RALA: variants seen among roughly 807,000 people sequenced by gnomAD.
RALA encodes the protein RAS like proto-oncogene A.
In RALA, 5 loss-of-function variants were observed where a neutral mutation model predicts 24.0. The ratio of observed to expected loss-of-function variants is 0.21; its 90% confidence interval spans 0.11 to 0.44. The LOEUF is 0.44. Among genes scored for constraint, RALA ranks in the 20% least tolerant of loss-of-function variants. The probability of loss-of-function intolerance (pLI) is 0.99; values close to 1 mark genes in which losing one functional copy is unlikely to be tolerated. For synonymous variants in RALA, 77 were observed against 83.8 expected (o/e 0.92, Z 0.44); for missense variants, 95 against 241.2 (o/e 0.39, Z 4.01).
chr7:39,670,286 C>T (rs972179574), intron 1 of RALA, among the ~76,000 whole-genome samples: 9 of 152,130 alleles, frequency 5.9e-5, no homozygotes, highest in Admixed American at 2.6e-4. Flanking sequence ...GCTAGGACTA[C>T]GGGCGTGTGC....
At chr7:39,681,983 C>G (rs777868739) in intron 1 of RALA, among the ~76,000 whole-genome samples, 1 of 152,178 alleles carries the variant, frequency 6.6e-6, no homozygotes, top group African/African-American at 2.4e-5. Context: ...TTTCTCCCAT[C>G]CAGTCAATCA....
intron 1 of RALA, among the ~76,000 whole-genome samples, chr7:39,636,563 A>G: frequency 6.6e-6 from 1 of 152,220 alleles, no homozygotes; most frequent in East Asian, 1.9e-4. Context: ...TGTAAAAACT[A>G]TAAACATGAC....
At chr7:39,685,756 A>G (rs913000327) in intron 1 of RALA, among the ~76,000 whole-genome samples, 1 of 151,842 alleles carries the variant, frequency 6.6e-6, no homozygotes, top group Non-Finnish European at 1.5e-5. Flanking sequence ...TACAGTGTTG[A>G]ATTCTGTTTA....
chr7:39,666,812 C>G (rs1264097218), intron 1 of RALA, among the ~76,000 whole-genome samples: 1 of 152,172 alleles, frequency 6.6e-6, no homozygotes, highest in African/African-American at 2.4e-5. Context: ...CAAAGGGAAT[C>G]TTTGTTGCTA....
chr7:39,658,565 T>C, intron 1 of RALA, among the ~76,000 whole-genome samples: 1 of 152,126 alleles, frequency 6.6e-6, no homozygotes, highest in East Asian at 1.9e-4. Flanking sequence ...GAACTACAGT[T>C]ACCTAGGCAG....
At chr7:39,676,019 A>G (rs1316379547) in intron 1 of RALA, among the ~76,000 whole-genome samples, 1 of 152,098 alleles carries the variant, frequency 6.6e-6, no homozygotes, top group Non-Finnish European at 1.5e-5. Context: ...TCTGTCACCC[A>G]AGTTGGAATG....
At chr7:39,676,161 G>A (rs2116038319) in intron 1 of RALA, among the ~76,000 whole-genome samples, 1 of 152,192 alleles carries the variant, frequency 6.6e-6, no homozygotes, top group African/African-American at 2.4e-5. Flanking sequence ...ATTTTTAGTA[G>A]ATACGGGGTT....
chr7:39,686,894 T>C, intron 2 of RALA, 113 bp downstream of exon 2: 1 of 732,824 alleles, frequency 1.4e-6, no homozygotes, highest in South Asian at 2.3e-5. Context: ...TTACTAATAA[T>C]TTTTTTTTCA....
intron 3 of RALA, among the ~76,000 whole-genome samples, chr7:39,694,158 C>T (rs774075942): frequency 1.4e-4 from 21 of 152,310 alleles, no homozygotes; most frequent in Middle Eastern, 3.4e-3. Flanking sequence ...TACATTTTAA[C>T]ATCTCTGAGG....
intron 1 of RALA, among the ~76,000 whole-genome samples, chr7:39,653,577 C>A (rs1784254600): frequency 6.6e-6 from 1 of 152,108 alleles, no homozygotes; most frequent in Non-Finnish European, 1.5e-5. Flanking sequence ...ATCCTCCTAC[C>A]TAGTTGTAAT....
At chr7:39,699,121 A>ATTTTTTTTTTTTT (rs71560137) in intron 4 of RALA, among the ~76,000 whole-genome samples, 7 of 61,372 alleles carry the variant, frequency 1.1e-4, no homozygotes, top group Non-Finnish European at 2.4e-4. Context: ...TAAAAATGTT[A>ATTTTTTTTTTTTT]TTTTTTTTTT....
At chr7:39,652,105 T>C (rs1244087826) in intron 1 of RALA, among the ~76,000 whole-genome samples, 1 of 152,172 alleles carries the variant, frequency 6.6e-6, no homozygotes, top group Non-Finnish European at 1.5e-5. Context: ...TGGTCCCTTA[T>C]TGCTGCATCC....
intron 1 of RALA, among the ~76,000 whole-genome samples, chr7:39,679,630 G>C (rs1433433102): frequency 6.6e-6 from 1 of 152,084 alleles, no homozygotes; most frequent in Non-Finnish European, 1.5e-5. Context: ...TTTTTATATA[G>C]AGAAATCATC....
intron 4 of RALA, among the ~76,000 whole-genome samples, chr7:39,697,878 A>G (rs1792949392): frequency 1.3e-5 from 2 of 152,186 alleles, no homozygotes; most frequent in South Asian, 4.1e-4. Context: ...GGTCTAAGAT[A>G]TCTGTACAAA....
chr7:39,625,399 C>A (rs1040019038), intron 1 of RALA, among the ~76,000 whole-genome samples: 17 of 152,206 alleles, frequency 1.1e-4, no homozygotes, highest in Non-Finnish European at 1.5e-5. Context: ...CCTGGTGATA[C>A]ACATCAAGTT....
intron 1 of RALA, among the ~76,000 whole-genome samples, chr7:39,644,956 C>T (rs1791900115): frequency 6.6e-6 from 1 of 152,150 alleles, no homozygotes; most frequent in South Asian, 2.1e-4. Context: ...TACATTTAAT[C>T]ACGTGACAGA....
Position 39,633,956 on chromosome 7 carries a change from C to T in RALA, c.-38+10131C>T, listed in dbSNP as rs973270062. ...CCAGAAAGTTCAAGTAGCGTATTTT[C>T]TGTAGATTCTTATAATTTCAAGATT... On this transcript the variant is annotated intron_variant, in intron 1 of 4. Coordinates refer to ENST00000005257, the MANE Select transcript of RALA (RefSeq NM_005402.4). Among the ~76,000 whole-genome samples, 21 of 152,294 alleles carry T rather than the reference C, an allele frequency of 1.4e-4. No homozygotes were observed. The Middle Eastern group carries it at 0.014, about 99-fold the overall frequency.
intron 4 of RALA, chr7:39,702,882 A>G (rs1431809586): frequency 6.6e-6 from 1 of 152,238 alleles, no homozygotes; most frequent in African/African-American, 2.4e-5. Flanking sequence ...GAGATTTGTT[A>G]AATTATACAG....
intron 1 of RALA, among the ~76,000 whole-genome samples, chr7:39,644,570 G>C (rs1291329025): frequency 1.3e-5 from 2 of 152,094 alleles, no homozygotes; most frequent in African/African-American, 4.8e-5. Context: ...GGAAATAAAA[G>C]AATAAGATTG....
Sources: allele counts gnomAD v4.1 joint callset (sites outside exome capture counted in the v4.1 genomes callset), GRCh38; gene constraint gnomAD v4.1.1; transcripts MANE v1.5; gene names NCBI Gene and HGNC (gene_info 2026-07-23, HGNC 2026-07-21).